CNTNAP5: variants seen among roughly 807,000 people sequenced by gnomAD.
The protein encoded by CNTNAP5 is contactin associated protein family member 5.
Under a neutral mutation model 150.2 loss-of-function variants are expected in CNTNAP5, and 72 were observed. The observed-to-expected ratio is 0.48, with a 90% CI of 0.40 to 0.58. CNTNAP5 has a LOEUF of 0.58. Ranked by LOEUF, CNTNAP5 falls within the 20% of genes least tolerant of loss-of-function variation. The probability of loss-of-function intolerance (pLI) is 0.00; values close to 1 mark genes in which losing one functional copy is unlikely to be tolerated. For synonymous variants in CNTNAP5, 672 were observed against 619.8 expected (o/e 1.08, Z -1.25); for missense variants, 1,636 against 1,626.2 (o/e 1.01, Z -0.10).
chr2:124,546,591 G>A (rs1457081802), intron 10 of CNTNAP5, among the ~76,000 whole-genome samples: 1 of 152,168 alleles, frequency 6.6e-6, no homozygotes. Context: ...GGGCAGTGGG[G>A]CAGCAACTCT....
intron 1 of CNTNAP5, among the ~76,000 whole-genome samples, chr2:124,163,569 T>C (rs1260973745): frequency 6.6e-6 from 1 of 152,104 alleles, no homozygotes; most frequent in African/African-American, 2.4e-5. Context: ...CAAAAAATGC[T>C]AACTACCTTC....
intron 3 of CNTNAP5, among the ~76,000 whole-genome samples, chr2:124,393,803 A>G (rs1691178376): frequency 6.6e-6 from 1 of 152,208 alleles, no homozygotes; most frequent in African/African-American, 2.4e-5. Context: ...CCTCACCTGA[A>G]CAGGGATATG....
intron 1 of CNTNAP5, among the ~76,000 whole-genome samples, chr2:124,100,435 A>G (rs1211952428): frequency 1.3e-5 from 2 of 151,832 alleles, no homozygotes; most frequent in Admixed American, 1.3e-4. Context: ...ATAAAGTAAT[A>G]TACTCAAAAC....
chr2:124,789,869 C>T (rs1681684697), intron 17 of CNTNAP5, 33 bp from the exon 18 acceptor site: 7 of 1,606,410 alleles, frequency 4.4e-6, no homozygotes, highest in Non-Finnish European at 6.0e-6. Flanking sequence ...CCTATAATAC[C>T]TTACATTTGT....
chr2:124,772,214 A>T (rs1306999711), intron 16 of CNTNAP5, among the ~76,000 whole-genome samples: 1 of 152,144 alleles, frequency 6.6e-6, no homozygotes, highest in Non-Finnish European at 1.5e-5. Flanking sequence ...AAAGATTGTT[A>T]TAGAGAGGCA....
intron 12 of CNTNAP5, among the ~76,000 whole-genome samples, chr2:124,612,518 C>G (rs1374128643): frequency 2.6e-5 from 4 of 152,016 alleles, no homozygotes; most frequent in Non-Finnish European, 5.9e-5. Flanking sequence ...CATCCAACAG[C>G]CTTCTCCCAG....
chr2:124,659,354 G>A (rs549534553), intron 13 of CNTNAP5, among the ~76,000 whole-genome samples: 213 of 152,110 alleles, frequency 1.4e-3, no homozygotes, highest in Non-Finnish European at 2.5e-3. Context: ...ATTTCACAGC[G>A]AAGATATGAA....
chr2:124,241,280 C>T (rs1032492324), intron 2 of CNTNAP5, among the ~76,000 whole-genome samples: 4 of 152,126 alleles, frequency 2.6e-5, no homozygotes, highest in African/African-American at 4.8e-5. Flanking sequence ...CGGGCCAAAA[C>T]AGTTTTTGTA....
At chr2:124,753,295 T>C (rs1458489603) in intron 14 of CNTNAP5, among the ~76,000 whole-genome samples, 2 of 152,206 alleles carry the variant, frequency 1.3e-5, no homozygotes, top group Non-Finnish European at 2.9e-5. Flanking sequence ...AGCTACTACT[T>C]ACTCTTTGGT....
intron 3 of CNTNAP5, among the ~76,000 whole-genome samples, chr2:124,417,020 C>A (rs1263944584): frequency 6.7e-6 from 1 of 149,978 alleles, no homozygotes; most frequent in South Asian, 2.1e-4. Context: ...TCACTGCAAC[C>A]TCCGCCTCCT....
At chr2:124,786,840 A>C (rs867121834) in intron 17 of CNTNAP5, among the ~76,000 whole-genome samples, 1 of 152,214 alleles carries the variant, frequency 6.6e-6, no homozygotes, top group African/African-American at 2.4e-5. Context: ...CTTTTAAAAA[A>C]TTATTCTCTT....
intron 19 of CNTNAP5, among the ~76,000 whole-genome samples, chr2:124,810,909 G>T (rs920096785): frequency 6.6e-6 from 1 of 152,078 alleles, no homozygotes; most frequent in Non-Finnish European, 1.5e-5. Context: ...GTAAAACCAG[G>T]ATAGCCCCCC....
At chr2:124,848,681 A>G (rs980826459) in intron 19 of CNTNAP5, among the ~76,000 whole-genome samples, 1 of 152,112 alleles carries the variant, frequency 6.6e-6, no homozygotes. Flanking sequence ...TGTCTTTTTG[A>G]TAATAACCAT....
chr2:124,803,556 C>T (rs1307864953), intron 19 of CNTNAP5, among the ~76,000 whole-genome samples: 1 of 152,130 alleles, frequency 6.6e-6, no homozygotes, highest in African/African-American at 2.4e-5. Flanking sequence ...AGATCACCTT[C>T]TGGGGAGGCT....
intron 3 of CNTNAP5, among the ~76,000 whole-genome samples, chr2:124,358,210 C>T (rs564122513): frequency 7.2e-5 from 11 of 152,236 alleles, no homozygotes; most frequent in African/African-American, 2.4e-4. Flanking sequence ...TGGGCTGAGA[C>T]AATGGGGTTT....
intron 12 of CNTNAP5, among the ~76,000 whole-genome samples, chr2:124,620,653 T>C (rs1251058756): frequency 6.6e-6 from 1 of 152,012 alleles, no homozygotes; most frequent in Admixed American, 6.6e-5. Flanking sequence ...GATCTTGGTT[T>C]TTTTATCAGT....
At chr2:124,521,973 T>A (rs1175615963) in intron 8 of CNTNAP5, among the ~76,000 whole-genome samples, 1 of 152,050 alleles carries the variant, frequency 6.6e-6, no homozygotes, top group Non-Finnish European at 1.5e-5. Flanking sequence ...AGCCTCTGGG[T>A]TCTCTTCTTC....
intron 10 of CNTNAP5, among the ~76,000 whole-genome samples, chr2:124,534,978 C>G (rs1695195632): frequency 6.6e-6 from 1 of 152,196 alleles, no homozygotes; most frequent in South Asian, 2.1e-4. Flanking sequence ...GGTTCAAAAG[C>G]CTCTGACAGG....
intron 1 of CNTNAP5, among the ~76,000 whole-genome samples, chr2:124,139,778 G>C (rs1040718423): frequency 6.6e-6 from 1 of 152,144 alleles, no homozygotes; most frequent in Admixed American, 6.5e-5. Flanking sequence ...ATATATTTGA[G>C]GAAGGAGCCA....
Sources: gnomAD v4.1 joint callset for allele counts (sites outside exome capture counted in the v4.1 genomes callset) on GRCh38, gnomAD v4.1.1 for gene constraint, MANE v1.5 for transcripts, NCBI Gene and HGNC (gene_info 2026-07-23, HGNC 2026-07-21) for gene names.